The following NCKAP5 variants were observed in gnomAD, a reference collection of about 807,000 sequenced individuals.
NCKAP5 encodes NCK associated protein 5.
NCKAP5 carries 92 observed loss-of-function variants against 167.0 expected under a neutral mutation model. The ratio of observed to expected loss-of-function variants is 0.55; its 90% CI spans 0.47 to 0.66. The LOEUF is 0.66. Among genes scored for constraint, NCKAP5 ranks in the 30% least tolerant of loss-of-function variants. NCKAP5 has a pLI of 0.00. For synonymous variants in NCKAP5, 891 were observed against 877.4 expected (o/e 1.02, Z -0.27); for missense variants, 2,378 against 2,315.0 (o/e 1.03, Z -0.56).
intron 11 of NCKAP5, among the ~76,000 whole-genome samples, chr2:132,860,208 C>T (rs774721250): frequency 4.6e-5 from 7 of 152,194 alleles, no homozygotes; most frequent in Non-Finnish European, 8.8e-5. Flanking sequence ...TCAATTATTT[C>T]CTAACTCCTT....
chr2:133,392,519 T>C (rs957617220), intron 3 of NCKAP5, among the ~76,000 whole-genome samples: 1 of 152,190 alleles, frequency 6.6e-6, no homozygotes, highest in Non-Finnish European at 1.5e-5. Flanking sequence ...GTATTCCCCA[T>C]AGATGGTGAA....
chr2:132,907,787 A>G (rs113604247), intron 8 of NCKAP5, among the ~76,000 whole-genome samples: 1 of 151,872 alleles, frequency 6.6e-6, no homozygotes, highest in Admixed American at 6.6e-5. Context: ...CCTCCCGAGT[A>G]GCTGGGACTA....
chr2:132,920,334 G>A (rs1455990872), intron 8 of NCKAP5, among the ~76,000 whole-genome samples: 2 of 151,996 alleles, frequency 1.3e-5, no homozygotes, highest in Non-Finnish European at 2.9e-5. Context: ...CACAGAGGAG[G>A]AGCTGTTTGC....
At chr2:133,313,737 T>C (rs112445988) in intron 3 of NCKAP5, among the ~76,000 whole-genome samples, 153 of 152,298 alleles carry the variant, frequency 1.0e-3, no homozygotes, top group African/African-American at 3.5e-3. Context: ...AGCATGGCAG[T>C]AATTGTGTAT....
chr2:132,794,257 TATATATAGAGAGAGAGAGAGAG>T (rs1435717979), intron 12 of NCKAP5, among the ~76,000 whole-genome samples: 10 of 40,976 alleles, frequency 2.4e-4, no homozygotes, highest in Admixed American at 6.1e-4. Context: ...TATATATATA[TATATATAGAGAGAGAGAGAGAG>T]AGAGAGAGAG....
intron 5 of NCKAP5, among the ~76,000 whole-genome samples, chr2:133,199,102 T>A (rs1333590559): frequency 6.6e-6 from 1 of 151,930 alleles, no homozygotes; most frequent in African/African-American, 2.4e-5. Flanking sequence ...AGATAAAAAT[T>A]AAGTCCCAAC....
intron 3 of NCKAP5, among the ~76,000 whole-genome samples, chr2:133,512,643 A>C (rs1407434049): frequency 1.3e-5 from 2 of 152,174 alleles, no homozygotes; most frequent in Non-Finnish European, 2.9e-5. Context: ...ACATCTAGTC[A>C]CTAAATAGAG....
At chr2:132,869,040 T>TA in intron 9 of NCKAP5, 66 bp from the exon 10 acceptor site, 1 of 1,182,380 alleles carries the variant, frequency 8.5e-7, no homozygotes, top group South Asian at 1.5e-5. Context: ...GACTCTAATT[T>TA]ACCAATAAGT....
At chr2:133,670,482 T>C in the NCKAP5 span, among the ~76,000 whole-genome samples, 1 of 152,234 alleles carries the variant, frequency 6.6e-6, no homozygotes, top group Admixed American at 6.5e-5. Context: ...GTGTACTACA[T>C]GCTACCTTAT....
At chr2:132,769,831 TTTGTC>T (rs1681866737) in intron 16 of NCKAP5, among the ~76,000 whole-genome samples, 3 of 152,192 alleles carry the variant, frequency 2.0e-5, no homozygotes, top group Non-Finnish European at 4.4e-5. Context: ...TCCTTATACT[TTTGTC>T]TTAAAGGTAA....
intron 7 of NCKAP5, among the ~76,000 whole-genome samples, chr2:132,966,689 C>A (rs1469071035): frequency 1.3e-5 from 2 of 152,168 alleles, no homozygotes; most frequent in African/African-American, 4.8e-5. Flanking sequence ...AGACACCTTA[C>A]ATTTAACATA....
At chr2:133,369,969 A>T (rs1685696706) in intron 3 of NCKAP5, among the ~76,000 whole-genome samples, 1 of 152,194 alleles carries the variant, frequency 6.6e-6, no homozygotes, top group South Asian at 2.1e-4. Flanking sequence ...CTGGGACCCC[A>T]TTGCCTCTGA....
chr2:132,898,902 T>G (rs1291284019), intron 8 of NCKAP5, among the ~76,000 whole-genome samples: 1 of 152,214 alleles, frequency 6.6e-6, no homozygotes, highest in African/African-American at 2.4e-5. Context: ...CATAGGATTT[T>G]TCAAATGGTA....
chr2:133,239,703 T>A (rs2087591748), intron 4 of NCKAP5, among the ~76,000 whole-genome samples: 1 of 152,260 alleles, frequency 6.6e-6, no homozygotes, highest in South Asian at 2.1e-4. Context: ...AAAGAGTTTC[T>A]GAAGGAAACT....
chr2:133,671,605 G>C, the NCKAP5 span, among the ~76,000 whole-genome samples: 1 of 152,086 alleles, frequency 6.6e-6, no homozygotes, highest in Non-Finnish European at 1.5e-5. Flanking sequence ...GGACTCTGCA[G>C]AGTCTCCCCA....
intron 3 of NCKAP5, among the ~76,000 whole-genome samples, chr2:133,371,027 C>A (rs192939436): frequency 1.3e-5 from 2 of 152,294 alleles, no homozygotes; most frequent in Admixed American, 6.5e-5. Context: ...TTCTCAGTCA[C>A]CTGCCTGGTA....
At chr2:132,985,680 G>A (rs760491479) in intron 7 of NCKAP5, among the ~76,000 whole-genome samples, 3 of 152,154 alleles carry the variant, frequency 2.0e-5, no homozygotes, top group Non-Finnish European at 4.4e-5. Context: ...AAAAGAGGAA[G>A]AAAGAAATCT....
intron 11 of NCKAP5, among the ~76,000 whole-genome samples, chr2:132,811,555 C>T (rs1234113365): frequency 1.3e-5 from 2 of 152,062 alleles, no homozygotes; most frequent in Non-Finnish European, 1.5e-5. Context: ...ACAGGCCTCA[C>T]CCAGCTCCCA....
chr2:133,310,092 G>A (rs777479138), intron 3 of NCKAP5, among the ~76,000 whole-genome samples: 12 of 152,116 alleles, frequency 7.9e-5, no homozygotes, highest in Non-Finnish European at 1.6e-4. Flanking sequence ...AAGCGGGGGA[G>A]GGCATCAGTT....
Sources: gnomAD v4.1 joint callset for allele counts (sites outside exome capture counted in the v4.1 genomes callset) on GRCh38, gnomAD v4.1.1 for gene constraint, MANE v1.5 for transcripts, NCBI Gene and HGNC (gene_info 2026-07-23, HGNC 2026-07-21) for gene names.